The following UST variants were observed in gnomAD, a reference collection of about 807,000 sequenced individuals.
The protein encoded by UST is uronyl 2-sulfotransferase, also known as chondroitin sulfate 2-O-sulfotransferase.
A neutral mutation model predicts 45.6 loss-of-function variants in UST; 21 were observed. That is an observed-to-expected ratio of 0.46 (90% CI 0.33 to 0.66). UST has a LOEUF of 0.66. Among genes scored for constraint, UST ranks in the 30% least tolerant of loss-of-function variants. The pLI is 0.02. For synonymous variants in UST, 215 were observed against 200.6 expected (o/e 1.07, Z -0.61); for missense variants, 463 against 512.4 (o/e 0.90, Z 0.93).
intron 5 of UST, among the ~76,000 whole-genome samples, chr6:149,017,415 A>G (rs1775919982): frequency 6.6e-6 from 1 of 152,148 alleles, no homozygotes; most frequent in Non-Finnish European, 1.5e-5. Flanking sequence ...ACATTGTAAT[A>G]AAAGCTAACA....
chr6:148,874,771 C>T (rs1778617582), intron 1 of UST, among the ~76,000 whole-genome samples: 1 of 152,220 alleles, frequency 6.6e-6, no homozygotes, highest in African/African-American at 2.4e-5. Context: ...GAGACATTTA[C>T]ACAGCACACA....
At chr6:148,780,934 A>G (rs1350193069) in intron 1 of UST, among the ~76,000 whole-genome samples, 2 of 152,130 alleles carry the variant, frequency 1.3e-5, no homozygotes, top group African/African-American at 2.4e-5. Flanking sequence ...TATTCAATAA[A>G]TATGTGTGTT....
Position 148,806,629 on chromosome 6 carries a change from G to A in UST, c.247+58952G>A, listed in dbSNP as rs772064000. 5.3e-5 allele frequency among the ~76,000 whole-genome samples: 8 copies of A among 152,088 alleles called. No homozygotes were observed. The South Asian group carries it at 6.2e-4, about 12-fold the overall frequency. On this transcript the variant is annotated intron_variant, in intron 1 of 7. Coordinates refer to ENST00000367463, the MANE Select transcript of UST (RefSeq NM_005715.3). ...GCTGGGATTACAGGCGTGAGCCATCGCACCCGGCCCCCTATGCCTTTCAAA... is the reference window on the plus strand; with the variant it reads ...GCTGGGATTACAGGCGTGAGCCATCACACCCGGCCCCCTATGCCTTTCAAA...
At chr6:148,864,344 C>G (rs183392469) in intron 1 of UST, among the ~76,000 whole-genome samples, 13 of 152,352 alleles carry the variant, frequency 8.5e-5, no homozygotes, top group African/African-American at 2.9e-4. Context: ...TTTGCTAAGA[C>G]CATTGGAAAA....
chr6:148,960,324 C>T lies in UST; in HGVS notation c.528-4086C>T, dbSNP rs113970481. The stretch of plus-strand genomic sequence containing the variant: ...CAGCCAGCTCTACCCCTCTCCGCCT[C>T]AGCCACTCCTCACTCTGCCCCCAAA... On this transcript the variant is annotated intron_variant, in intron 4 of 7. Coordinates refer to ENST00000367463, the MANE Select transcript of UST (RefSeq NM_005715.3). 7.2e-3 allele frequency among the ~76,000 whole-genome samples: 1,096 copies of T among 152,304 alleles called. 19 individuals are homozygous for T. Among genetic ancestry groups the T allele is most frequent in the African/African-American group, 0.025 (1,053 of 41,566 alleles).
At chr6:149,021,885 G>T (rs1431634464) in intron 7 of UST, among the ~76,000 whole-genome samples, 1 of 152,200 alleles carries the variant, frequency 6.6e-6, no homozygotes, top group East Asian at 1.9e-4. Context: ...GGAAACATGC[G>T]TGAGTATGAA....
intron 7 of UST, among the ~76,000 whole-genome samples, chr6:149,064,471 G>A (rs1355492654): frequency 1.3e-5 from 2 of 152,200 alleles, no homozygotes; most frequent in Non-Finnish European, 2.9e-5. Flanking sequence ...GCCAACTGAT[G>A]ATGATGATGA....
intron 1 of UST, among the ~76,000 whole-genome samples, chr6:148,814,047 C>A (rs991762102): frequency 6.6e-6 from 1 of 152,170 alleles, no homozygotes; most frequent in African/African-American, 2.4e-5. Flanking sequence ...CACTTTCCAT[C>A]ATTTCAAAAT....
chr6:149,043,494 G>T (rs1236260486), intron 7 of UST, among the ~76,000 whole-genome samples: 1 of 152,238 alleles, frequency 6.6e-6, no homozygotes, highest in African/African-American at 2.4e-5. Flanking sequence ...ACAGGCATCC[G>T]CATCCCCTAG....
At chr6:148,793,209 G>A (rs1166836660) in intron 1 of UST, among the ~76,000 whole-genome samples, 1 of 151,902 alleles carries the variant, frequency 6.6e-6, no homozygotes, top group Admixed American at 6.6e-5. Context: ...GAGATTATGA[G>A]CAAGTAATTT....
chr6:148,958,440 T>G (rs1466621488), intron 4 of UST, among the ~76,000 whole-genome samples: 1 of 152,172 alleles, frequency 6.6e-6, no homozygotes, highest in African/African-American at 2.4e-5. Context: ...TCCCTAGAAA[T>G]TCAAGCCAGG....
intron 7 of UST, among the ~76,000 whole-genome samples, chr6:149,057,622 C>T (rs1335573154): frequency 6.6e-6 from 1 of 152,122 alleles, no homozygotes; most frequent in East Asian, 1.9e-4. Flanking sequence ...AAACAGAAAA[C>T]CCAATCATCT....
chr6:148,774,469 A>G (rs1776492558), intron 1 of UST, among the ~76,000 whole-genome samples: 1 of 152,126 alleles, frequency 6.6e-6, no homozygotes, highest in Admixed American at 6.5e-5. Flanking sequence ...ATAATAACTC[A>G]AATTCAGGAT....
intron 1 of UST, among the ~76,000 whole-genome samples, chr6:148,824,046 G>A (rs765986412): frequency 1.3e-5 from 2 of 152,210 alleles, no homozygotes; most frequent in Non-Finnish European, 1.5e-5. Context: ...TGAGAGTGGA[G>A]GACTAATAAT....
intron 7 of UST, among the ~76,000 whole-genome samples, chr6:149,064,596 G>A (rs1776705527): frequency 6.6e-6 from 1 of 152,190 alleles, no homozygotes; most frequent in Non-Finnish European, 1.5e-5. Context: ...GCACACCAGT[G>A]AGGCCTAATT....
At chr6:148,794,716 G>T (rs1776915262) in intron 1 of UST, among the ~76,000 whole-genome samples, 1 of 152,138 alleles carries the variant, frequency 6.6e-6, no homozygotes, top group Non-Finnish European at 1.5e-5. Context: ...AAGAACATCG[G>T]GTGGAATAAC....
chr6:149,035,775 A>G (rs570283146), intron 7 of UST, among the ~76,000 whole-genome samples: 14 of 151,766 alleles, frequency 9.2e-5, no homozygotes, highest in African/African-American at 2.9e-4. Context: ...TTAAAAAAAA[A>G]AAGCGAAGAA....
chr6:148,822,275 C>G (rs1378714688), intron 1 of UST, among the ~76,000 whole-genome samples: 1 of 152,212 alleles, frequency 6.6e-6, no homozygotes, highest in East Asian at 1.9e-4. Flanking sequence ...CAATCCTAAT[C>G]TAACACTCTA....
intron 1 of UST, among the ~76,000 whole-genome samples, chr6:148,841,063 CA>C (rs958065638): frequency 8.0e-6 from 1 of 124,270 alleles, no homozygotes; most frequent in Non-Finnish European, 1.7e-5. Flanking sequence ...AAAAACCCAA[CA>C]AAAACAAAAT....
Sources: allele counts gnomAD v4.1 joint callset (sites outside exome capture counted in the v4.1 genomes callset), GRCh38; gene constraint gnomAD v4.1.1; transcripts MANE v1.5; gene names NCBI Gene and HGNC (gene_info 2026-07-23, HGNC 2026-07-21).